Variants in NOX4 observed in about 807,000 individuals in gnomAD.
NOX4 encodes kidney oxidase-1.
Under a neutral mutation model 87.6 loss-of-function variants are expected in NOX4, and 69 were observed. The observed-to-expected ratio is 0.79, with a 90% CI of 0.65 to 0.96. The LOEUF (loss-of-function observed/expected upper bound fraction) is 0.96. Ranked by LOEUF, NOX4 falls within the 40% of genes least tolerant of loss-of-function variation. The pLI is 0.00. For missense variants in NOX4, 680 were observed against 681.5 expected, an observed-to-expected ratio of 1.00 and a Z score of 0.02; for synonymous variants, 275 against 238.2, an observed-to-expected ratio of 1.15 and a Z score of -1.42.
chr11:89,531,180 C>G, the NOX4 span, among the ~76,000 whole-genome samples: 2 of 152,140 alleles, frequency 1.3e-5, no homozygotes, highest in East Asian at 1.9e-4. Context: ...TCTCAAAGAT[C>G]AAGTTGACCC....
chr11:89,561,050 CATATATATAT>C, the NOX4 span, among the ~76,000 whole-genome samples: 158 of 28,554 alleles, frequency 5.5e-3, 5 homozygotes, highest in East Asian at 0.028. Context: ...ATATATCATA[CATATATATAT>C]ATATATATAT....
intron 8 of NOX4, among the ~76,000 whole-genome samples, chr11:89,408,728 G>A (rs1942317458): frequency 6.6e-6 from 1 of 152,186 alleles, no homozygotes; most frequent in African/African-American, 2.4e-5. Context: ...TACAAGATAG[G>A]AATAACATCA....
the NOX4 span, among the ~76,000 whole-genome samples, chr11:89,573,886 A>G: frequency 6.6e-6 from 1 of 152,034 alleles, no homozygotes; most frequent in Non-Finnish European, 1.5e-5. Flanking sequence ...ACGCTTGGGA[A>G]GTGAGCACGT....
chr11:89,376,701 T>C (rs1939865134), intron 11 of NOX4, among the ~76,000 whole-genome samples: 1 of 152,022 alleles, frequency 6.6e-6, no homozygotes, highest in African/African-American at 2.4e-5. Flanking sequence ...ACCAAGATGG[T>C]GAAACCCTGT....
intron 8 of NOX4, among the ~76,000 whole-genome samples, chr11:89,412,814 C>A (rs1322245070): frequency 6.6e-6 from 1 of 151,864 alleles, no homozygotes; most frequent in African/African-American, 2.4e-5. Context: ...ACAATCAAAG[C>A]AAAAATAGAC....
In NOX4 at chr11:89,326,814, C is replaced by A. The variant is rs761895051; in HGVS notation, c.1679G>T (p.Ser560Ile). The A allele has an allele frequency of 3.7e-6, 6 of 1,613,184 alleles. No individual in the cohort carries two copies. The South Asian group carries it at 6.6e-5, about 18-fold the overall frequency. The change falls in exon 18 of 18, where the codon AGT becomes ATT. Residue 560 changes from serine to isoleucine, a missense_variant. Transcript: ENST00000263317. ...NSLSKTLHKLSNQNNSYGTRF... is the reference protein window; with the variant it reads ...NSLSKTLHKLINQNNSYGTRF... ...TGTCCCATATGAGTTGTTCTGGTTA[C>A]TCAGTTTATGAAGAGTCTTGGATAG...
At chr11:89,540,681 G>T in the NOX4 span, among the ~76,000 whole-genome samples, 20 of 151,156 alleles carry the variant, frequency 1.3e-4, no homozygotes, top group African/African-American at 4.8e-4. Context: ...CCAGCTACTC[G>T]GGAGGCTGAG....
chr11:89,340,672 T>C (rs1051657539), intron 14 of NOX4, among the ~76,000 whole-genome samples: 1 of 152,118 alleles, frequency 6.6e-6, no homozygotes, highest in Non-Finnish European at 1.5e-5. Flanking sequence ...TAAAAATCAT[T>C]AAAGAAAGAG....
rs1001455323 is a variant in NOX4 at position 89,326,289 on chromosome 11, C to A, written c.*467G>T. 3 of 152,710 alleles carry A rather than the reference C, an allele frequency of 2.0e-5. No individual in the cohort carries two copies. The highest frequency in any genetic ancestry group is 7.3e-5 in the African/African-American group (3 of 41,370). 9.5% of individuals were successfully genotyped at this position (152,710 alleles called of 1,614,324 possible). ...GTTTTCAAACATCTAATATATTTGC[C>A]TGGAGTGCTTGCAAATTAAAGCTAC... is the stretch of plus-strand genomic sequence containing the variant. On this transcript the variant is annotated 3_prime_UTR_variant, in exon 18 of 18. Transcript: ENST00000263317.
chr11:89,461,280 T>C (rs151149927), intron 2 of NOX4, among the ~76,000 whole-genome samples: 3,416 of 151,744 alleles, frequency 0.023, 134 homozygotes, highest in African/African-American at 0.079. Context: ...GCACGTTGTG[T>C]ACATGTACCC....
intron 8 of NOX4, among the ~76,000 whole-genome samples, chr11:89,418,750 G>A (rs558400438): frequency 1.3e-5 from 2 of 152,024 alleles, no homozygotes; most frequent in East Asian, 3.9e-4. Context: ...AAGACAGAAT[G>A]GACATCTTCA....
intron 6 of NOX4, among the ~76,000 whole-genome samples, chr11:89,438,983 T>G (rs1565294589): frequency 9.8e-6 from 1 of 101,796 alleles, no homozygotes; most frequent in African/African-American, 3.6e-5. Flanking sequence ...TAATTATATA[T>G]TATATTATTA....
intron 3 of NOX4, among the ~76,000 whole-genome samples, chr11:89,450,170 C>T (rs1436700991): frequency 2.0e-5 from 3 of 152,100 alleles, no homozygotes; most frequent in African/African-American, 7.2e-5. Context: ...CCAAGCCAAA[C>T]CAATAGCCAA....
the NOX4 span, among the ~76,000 whole-genome samples, chr11:89,528,622 A>G: frequency 6.6e-6 from 1 of 152,144 alleles, no homozygotes; most frequent in African/African-American, 2.4e-5. Context: ...CTCTTTACTC[A>G]GCACTTCTTC....
intron 11 of NOX4, among the ~76,000 whole-genome samples, chr11:89,395,825 G>A (rs1204069631): frequency 2.0e-5 from 3 of 152,012 alleles, no homozygotes; most frequent in Non-Finnish European, 2.9e-5. Context: ...GATGTGCGGT[G>A]TTATTTCTGA....
chr11:89,340,101 G>A lies in NOX4; in HGVS notation c.1408C>T (p.Arg470Cys), dbSNP rs115031759. ...IWVCRDIQSFRWFADLLCMLH... is the reference protein window; with the variant it reads ...IWVCRDIQSFCWFADLLCMLH... Reference sequence around the variant, plus strand: ...ATACAGAGTAAATCTGCAAACCAACGGAAGGACTGGATATCTCTGCATACC... The same window carrying A: ...ATACAGAGTAAATCTGCAAACCAACAGAAGGACTGGATATCTCTGCATACC... The change falls in exon 15 of 18, where the codon CGT becomes TGT. Residue 470 changes from arginine (R) to cysteine (C), a missense_variant. Arg to Cys is a radical substitution (Grantham distance 180). Coordinates refer to ENST00000263317, the MANE Select transcript of NOX4 (RefSeq NM_016931.5). The A allele has an allele frequency of 1.0e-3, 1,633 of 1,573,164 alleles. 15 individuals carry two copies. In the African/African-American group the frequency reaches 0.02, roughly 19 times the overall value.
intron 12 of NOX4, among the ~76,000 whole-genome samples, chr11:89,356,304 G>A (rs572556653): frequency 5.3e-5 from 8 of 151,550 alleles, no homozygotes; most frequent in Non-Finnish European, 7.4e-5. Context: ...AGTGAATGAC[G>A]GCCAGGAAAA....
intron 12 of NOX4, among the ~76,000 whole-genome samples, chr11:89,369,030 A>C (rs773861088): frequency 4.0e-4 from 61 of 152,098 alleles, no homozygotes; most frequent in Non-Finnish European, 7.1e-4. Flanking sequence ...TTATGGAGCT[A>C]TTTTAAACCT....
chr11:89,491,543 C>A (rs1946858325), upstream of NOX4: 2 of 418,116 alleles, frequency 4.8e-6, no homozygotes, highest in Admixed American at 4.6e-5. Flanking sequence ...GTCTGCTCCG[C>A]CGCGCCGGCC....
Sources: allele counts gnomAD v4.1 joint callset (sites outside exome capture counted in the v4.1 genomes callset), GRCh38; gene constraint gnomAD v4.1.1; transcripts MANE v1.5; gene names NCBI Gene and HGNC (gene_info 2026-07-23, HGNC 2026-07-21).